ANKS1B: variants seen among roughly 807,000 people sequenced by gnomAD.
ANKS1B encodes the protein ankyrin repeat and sterile alpha motif domain-containing protein 1B.
ANKS1B carries 36 observed loss-of-function variants against 148.3 expected under a neutral mutation model. That is an observed-to-expected ratio of 0.24 (90% confidence interval 0.19 to 0.32). The LOEUF (loss-of-function observed/expected upper bound fraction) is 0.32, where lower values mean the gene tolerates loss of function less well. Ranked by LOEUF, ANKS1B falls within the 10% of genes least tolerant of loss-of-function variation. The pLI is 1.00. For missense variants in ANKS1B, 1,157 were observed against 1,542.6 expected, an observed-to-expected ratio of 0.75 and a Z score of 4.19; for synonymous variants, 542 against 560.8, an observed-to-expected ratio of 0.97 and a Z score of 0.47.
chr12:99,358,927 A>G (rs2092264441), intron 12 of ANKS1B, among the ~76,000 whole-genome samples: 1 of 152,146 alleles, frequency 6.6e-6, no homozygotes, highest in Non-Finnish European at 1.5e-5. Flanking sequence ...AGAGTATGCT[A>G]TGAGCAGCCA....
chr12:99,374,583 T>C (rs1191779080), intron 12 of ANKS1B, among the ~76,000 whole-genome samples: 3 of 152,248 alleles, frequency 2.0e-5, no homozygotes, highest in African/African-American at 7.2e-5. Context: ...ATAGTTCACA[T>C]TTATTTCAAT....
chr12:99,498,930 T>A (rs555304815), intron 10 of ANKS1B, among the ~76,000 whole-genome samples: 4 of 152,296 alleles, frequency 2.6e-5, no homozygotes, highest in African/African-American at 9.6e-5. Context: ...AATGCATAGC[T>A]AGGTATGAGT....
chr12:99,712,631 T>C (rs10778009), intron 8 of ANKS1B, among the ~76,000 whole-genome samples: 100,843 of 152,090 alleles, frequency 0.66, 33,537 homozygotes, highest in Non-Finnish European at 0.69. Context: ...GGATATAATC[T>C]ATCCTGGAGA....
chr12:99,506,711 T>C (rs1188050227), intron 9 of ANKS1B, among the ~76,000 whole-genome samples: 2 of 152,030 alleles, frequency 1.3e-5, no homozygotes, highest in Non-Finnish European at 2.9e-5. Flanking sequence ...CTAATGTTTA[T>C]AAGTCAAGAA....
chr12:99,369,747 A>AGAT (rs2092986413), intron 12 of ANKS1B, among the ~76,000 whole-genome samples: 1 of 143,294 alleles, frequency 7.0e-6, no homozygotes, highest in Admixed American at 7.0e-5. Flanking sequence ...AATGGATAGA[A>AGAT]AGATAGATAG....
At chr12:99,922,208 A>G (rs2094374469) in intron 1 of ANKS1B, among the ~76,000 whole-genome samples, 1 of 152,194 alleles carries the variant, frequency 6.6e-6, no homozygotes, top group South Asian at 2.1e-4. Context: ...ATTACAAATG[A>G]CCAAAAATTA....
chr12:99,410,596 G>T (rs902741018), intron 11 of ANKS1B, among the ~76,000 whole-genome samples: 1 of 152,204 alleles, frequency 6.6e-6, no homozygotes, highest in Admixed American at 6.5e-5. Context: ...GTGAACCTGG[G>T]AGGGGGAGCT....
At chr12:99,024,072 G>T (rs17029000) in intron 17 of ANKS1B, among the ~76,000 whole-genome samples, 1 of 151,630 alleles carries the variant, frequency 6.6e-6, no homozygotes, top group African/African-American at 2.4e-5. Context: ...GCACACTATT[G>T]TTATCAGTGG....
chr12:98,967,925 G>A (rs2099879951), intron 17 of ANKS1B, among the ~76,000 whole-genome samples: 1 of 152,076 alleles, frequency 6.6e-6, no homozygotes, highest in African/African-American at 2.4e-5. Flanking sequence ...GGCCTCATCT[G>A]AAAGGCAGAG....
At chr12:99,669,942 T>A (rs1370511016) in intron 8 of ANKS1B, among the ~76,000 whole-genome samples, 1 of 152,148 alleles carries the variant, frequency 6.6e-6, no homozygotes, top group African/African-American at 2.4e-5. Flanking sequence ...CTCCTTTGTA[T>A]CTTTTCTATT....
intron 17 of ANKS1B, among the ~76,000 whole-genome samples, chr12:98,927,475 T>C (rs1278073471): frequency 6.6e-6 from 1 of 152,104 alleles, no homozygotes; most frequent in African/African-American, 2.4e-5. Context: ...TTTTTGCTTG[T>C]AACTCTTTCT....
At chr12:99,335,619 C>T (rs936054849) in intron 12 of ANKS1B, among the ~76,000 whole-genome samples, 1 of 151,986 alleles carries the variant, frequency 6.6e-6, no homozygotes, top group African/African-American at 2.4e-5. Context: ...CTGTGCCTGG[C>T]TTATTTCTAT....
At position 99,793,227 on chromosome 12, in the gene ANKS1B, T is replaced by C. The variant is rs537358326; in HGVS notation, c.670-11130A>G. Among the ~76,000 whole-genome samples, 3 of 152,152 alleles carry C rather than the reference T, an allele frequency of 2.0e-5. No individual in the cohort carries two copies. The East Asian group carries it at 5.8e-4, about 29-fold the overall frequency. ...TGGAAAGATATTCCATGCTCATGAA[T>C]TGGAAGAATCAATATTGTTAAAATG... On this transcript the variant is annotated intron_variant, in intron 4 of 26. Coordinates refer to ENST00000683438, the MANE Select transcript of ANKS1B (RefSeq NM_001352186.2).
At chr12:98,863,965 T>C (rs2099612206) in intron 17 of ANKS1B, among the ~76,000 whole-genome samples, 1 of 152,210 alleles carries the variant, frequency 6.6e-6, no homozygotes, top group Non-Finnish European at 1.5e-5. Context: ...CACGAGTTTA[T>C]ATTCCTGGAG....
Position 99,311,057 on chromosome 12 carries a change from T to C in ANKS1B, c.1757-64193A>G, listed in dbSNP as rs143656997. ...ACGCCTGACCATAATAAATGTTGGA[T>C]AAATGTTACCTATTATTACTGTGTG... On this transcript the variant is annotated intron_variant, in intron 12 of 26. Coordinates refer to ENST00000683438, the MANE Select transcript of ANKS1B (RefSeq NM_001352186.2). 9.0e-3 allele frequency among the ~76,000 whole-genome samples: 1,365 copies of C among 152,294 alleles called. 7 individuals are homozygous for C. The highest frequency in any genetic ancestry group is 0.014 in the Non-Finnish European group (969 of 68,010).
chr12:99,373,978 A>T (rs1426282784), intron 12 of ANKS1B, among the ~76,000 whole-genome samples: 1 of 152,216 alleles, frequency 6.6e-6, no homozygotes, highest in East Asian at 1.9e-4. Context: ...TAACAAAAAA[A>T]ACACCAGCTG....
At chr12:98,754,424 G>A (rs2098180133) in intron 25 of ANKS1B, among the ~76,000 whole-genome samples, 1 of 152,136 alleles carries the variant, frequency 6.6e-6, no homozygotes, top group African/African-American at 2.4e-5. Flanking sequence ...CAGGGCTTCC[G>A]ACTTCTGTAG....
intron 15 of ANKS1B, among the ~76,000 whole-genome samples, chr12:99,131,122 G>A (rs912994561): frequency 1.3e-5 from 2 of 152,132 alleles, no homozygotes; most frequent in African/African-American, 4.8e-5. Context: ...GCTGTTTGTT[G>A]CCTACTCGTC....
At chr12:99,737,122 T>C (rs763391757) in intron 8 of ANKS1B, among the ~76,000 whole-genome samples, 23 of 152,242 alleles carry the variant, frequency 1.5e-4, no homozygotes, top group Non-Finnish European at 2.2e-4. Context: ...GAAAACAGTA[T>C]GGAGATTTTT....
Sources: gnomAD v4.1 joint callset for allele counts (sites outside exome capture counted in the v4.1 genomes callset) on GRCh38, gnomAD v4.1.1 for gene constraint, MANE v1.5 for transcripts, NCBI Gene and HGNC (gene_info 2026-07-23, HGNC 2026-07-21) for gene names.